Variants in ARL15 observed in about 807,000 individuals in gnomAD.
ARL15 encodes the protein ARF like GTPase 15.
In ARL15, 19 loss-of-function variants were observed where a neutral mutation model predicts 25.2. The ratio of observed to expected loss-of-function variants is 0.75; its 90% CI spans 0.53 to 1.10. The LOEUF (loss-of-function observed/expected upper bound fraction) is 1.10. Ranked by LOEUF, ARL15 falls within the 50% of genes least tolerant of loss-of-function variation. The probability of loss-of-function intolerance (pLI) is 0.00; values close to 1 mark genes in which losing one functional copy is unlikely to be tolerated. For synonymous variants in ARL15, 94 were observed against 86.8 expected (o/e 1.08, Z -0.46); for missense variants, 220 against 246.0 (o/e 0.89, Z 0.71).
chr5:54,205,899 G>A (rs1231125916), intron 1 of ARL15, among the ~76,000 whole-genome samples: 1 of 152,124 alleles, frequency 6.6e-6, no homozygotes, highest in African/African-American at 2.4e-5. Flanking sequence ...GGAGAAGAAA[G>A]ACATGAACAC....
intron 1 of ARL15, among the ~76,000 whole-genome samples, chr5:54,189,299 A>G (rs887529256): frequency 6.6e-6 from 1 of 152,220 alleles, no homozygotes; most frequent in Non-Finnish European, 1.5e-5. Context: ...TGGAAATAAA[A>G]AAGCCCATCC....
intron 4 of ARL15, among the ~76,000 whole-genome samples, chr5:53,905,911 T>C (rs572204648): frequency 1.3e-5 from 2 of 152,328 alleles, no homozygotes; most frequent in Non-Finnish European, 2.9e-5. Flanking sequence ...CTGTCACATT[T>C]AGCATAAGGA....
intron 4 of ARL15, among the ~76,000 whole-genome samples, chr5:53,909,573 G>T (rs1745386514): frequency 1.3e-5 from 2 of 152,174 alleles, no homozygotes; most frequent in African/African-American, 4.8e-5. Context: ...GGGCGTGGTG[G>T]CGCATGCCTC....
At chr5:54,095,629 T>C (rs894299407) in intron 4 of ARL15, among the ~76,000 whole-genome samples, 1 of 152,178 alleles carries the variant, frequency 6.6e-6, no homozygotes, top group African/African-American at 2.4e-5. Context: ...GGACAGTAAG[T>C]TAAGCCCAAA....
intron 4 of ARL15, among the ~76,000 whole-genome samples, chr5:54,027,014 T>C (rs1749803576): frequency 6.6e-6 from 1 of 152,212 alleles, no homozygotes; most frequent in South Asian, 2.1e-4. Context: ...CTTAAGATTT[T>C]CTTTCTGGAT....
intron 4 of ARL15, among the ~76,000 whole-genome samples, chr5:54,049,744 T>A (rs967826370): frequency 1.1e-4 from 16 of 150,858 alleles, no homozygotes; most frequent in African/African-American, 3.9e-4. Context: ...TTGTTCTGAT[T>A]TTTTTTTTGT....
chr5:53,909,445 G>T (rs1025524482), intron 4 of ARL15, among the ~76,000 whole-genome samples: 1 of 152,146 alleles, frequency 6.6e-6, no homozygotes, highest in African/African-American at 2.4e-5. Context: ...GGTGGCTCAC[G>T]CCAGTAATCC....
At chr5:54,237,888 A>C (rs1756852354) in intron 1 of ARL15, among the ~76,000 whole-genome samples, 2 of 152,236 alleles carry the variant, frequency 1.3e-5, no homozygotes, top group Admixed American at 1.3e-4. Context: ...CAACCAACTA[A>C]CCATATGAGG....
At chr5:54,023,996 T>C (rs1010218166) in intron 4 of ARL15, among the ~76,000 whole-genome samples, 2 of 152,188 alleles carry the variant, frequency 1.3e-5, no homozygotes, top group African/African-American at 4.8e-5. Flanking sequence ...CCATCACCCT[T>C]TCCCCTGAGA....
intron 4 of ARL15, among the ~76,000 whole-genome samples, chr5:53,955,958 A>G (rs1747135696): frequency 6.6e-6 from 1 of 152,166 alleles, no homozygotes; most frequent in African/African-American, 2.4e-5. Flanking sequence ...ACGAGTCCCA[A>G]AAATATGGAA....
chr5:54,298,743 T>C (rs1002309900), intron 1 of ARL15, among the ~76,000 whole-genome samples: 1 of 152,076 alleles, frequency 6.6e-6, no homozygotes, highest in Admixed American at 6.5e-5. Flanking sequence ...TTATCTTCCA[T>C]GATCTCTGGT....
intron 4 of ARL15, among the ~76,000 whole-genome samples, chr5:53,977,217 CGTG>C (rs1244532114): frequency 1.3e-5 from 2 of 151,906 alleles, no homozygotes; most frequent in African/African-American, 4.8e-5. Flanking sequence ...ATTAGCCGGG[CGTG>C]GTGGCGGGCG....
intron 1 of ARL15, among the ~76,000 whole-genome samples, chr5:54,227,188 A>G (rs1050258454): frequency 6.6e-6 from 1 of 152,226 alleles, no homozygotes; most frequent in African/African-American, 2.4e-5. Flanking sequence ...ACTGAAGGAA[A>G]TAACGCTGCT....
chr5:54,050,396 A>C (rs991110022), intron 4 of ARL15, among the ~76,000 whole-genome samples: 1 of 152,246 alleles, frequency 6.6e-6, no homozygotes, highest in African/African-American at 2.4e-5. Flanking sequence ...GACAAGCAAG[A>C]ATACTGTGCT....
At chr5:54,041,202 A>G (rs528271583) in intron 4 of ARL15, among the ~76,000 whole-genome samples, 2 of 152,364 alleles carry the variant, frequency 1.3e-5, no homozygotes, top group African/African-American at 4.8e-5. Context: ...TTGAAAATCT[A>G]TTTATAGAGT....
chr5:54,111,887 C>G (rs1752752008), intron 4 of ARL15, among the ~76,000 whole-genome samples: 1 of 152,098 alleles, frequency 6.6e-6, no homozygotes, highest in Non-Finnish European at 1.5e-5. Context: ...AAAAGATTTA[C>G]AAACTAAGGT....
chr5:54,130,175 A>G (rs1353279904), intron 3 of ARL15, among the ~76,000 whole-genome samples: 1 of 152,184 alleles, frequency 6.6e-6, no homozygotes, highest in Non-Finnish European at 1.5e-5. Context: ...GAGATGGAGG[A>G]TGCAGCGAGC....
At chr5:54,295,170 T>A (rs138126208) in intron 1 of ARL15, among the ~76,000 whole-genome samples, 1 of 152,354 alleles carries the variant, frequency 6.6e-6, no homozygotes, top group African/African-American at 2.4e-5. Flanking sequence ...TTTCTCAACA[T>A]GGAATCGAAA....
chr5:54,165,753 T>TATAA (rs1213106045), intron 2 of ARL15, among the ~76,000 whole-genome samples: 1 of 150,668 alleles, frequency 6.6e-6, no homozygotes, highest in Non-Finnish European at 1.5e-5. Context: ...TATATATATA[T>TATAA]AAATAGAGAC....
Sources: gnomAD v4.1 joint callset for allele counts (sites outside exome capture counted in the v4.1 genomes callset) on GRCh38, gnomAD v4.1.1 for gene constraint, MANE v1.5 for transcripts, NCBI Gene and HGNC (gene_info 2026-07-23, HGNC 2026-07-21) for gene names.